Variants in TRPM3 observed in about 807,000 individuals in gnomAD.
TRPM3 encodes transient receptor potential cation channel subfamily M member 3.
A neutral mutation model predicts 181.2 loss-of-function variants in TRPM3; 77 were observed. That is an observed-to-expected ratio of 0.42 (90% confidence interval 0.35 to 0.51). TRPM3 has a LOEUF of 0.51. TRPM3 is among the 20% of genes least tolerant of loss of function. The pLI, the probability that TRPM3 is intolerant of heterozygous loss-of-function variation, is 0.01. For missense variants in TRPM3, 1,759 were observed against 2,196.7 expected (o/e 0.80, Z 3.98); for synonymous variants, 745 against 796.4 (o/e 0.94, Z 1.09).
intron 1 of TRPM3, among the ~76,000 whole-genome samples, chr9:71,396,357 A>AT (rs1194270617): frequency 1.3e-5 from 2 of 152,106 alleles, no homozygotes; most frequent in Non-Finnish European, 2.9e-5. Context: ...GGCAGCAATG[A>AT]TTATCAAGGC....
At chr9:70,648,673 A>T (rs1364522677) in intron 9 of TRPM3, among the ~76,000 whole-genome samples, 2 of 152,154 alleles carry the variant, frequency 1.3e-5, no homozygotes, top group African/African-American at 4.8e-5. Context: ...AGGTTAGAGA[A>T]CCCAGAAATA....
chr9:70,576,673 C>T (rs574217401), intron 22 of TRPM3, among the ~76,000 whole-genome samples: 2 of 152,136 alleles, frequency 1.3e-5, no homozygotes, highest in African/African-American at 4.8e-5. Flanking sequence ...CGCCACCGTG[C>T]CCGGCTAATT....
At chr9:71,384,547 C>T (rs540171287) in intron 1 of TRPM3, among the ~76,000 whole-genome samples, 1 of 152,330 alleles carries the variant, frequency 6.6e-6, no homozygotes, top group African/African-American at 2.4e-5. Flanking sequence ...ACCTATACAT[C>T]TTTCTAGCCC....
chr9:71,283,446 A>G (rs747048842), intron 1 of TRPM3, among the ~76,000 whole-genome samples: 67 of 150,792 alleles, frequency 4.4e-4, no homozygotes, highest in Middle Eastern at 3.4e-3. Context: ...ACAGGCACCC[A>G]CCACCACGCC....
chr9:70,777,193 G>T (rs776261241), intron 7 of TRPM3, among the ~76,000 whole-genome samples: 1 of 152,112 alleles, frequency 6.6e-6, no homozygotes, highest in African/African-American at 2.4e-5. Flanking sequence ...CTATCATAAA[G>T]AATTATGCAA....
rs1415739241 is a variant in TRPM3 at position 71,399,521 on chromosome 9, C to CTTTTTTTTTTTTTTTTTTTTTTTTTT, written c.183+47131_183+47132insAAAAAAAAAAAAAAAAAAAAAAAAAA. Reference sequence around the variant, plus strand: ...ATATTCATTTTACTCCTTATATTTTCTTTTGTTTTTTTTTTTTTTTTTTTT... The same window carrying CTTTTTTTTTTTTTTTTTTTTTTTTTT: ...ATATTCATTTTACTCCTTATATTTTCTTTTTTTTTTTTTTTTTTTTTTTTTTTTTTGTTTTTTTTTTTTTTTTTTTT... On this transcript the variant is annotated intron_variant, in intron 1 of 24. Coordinates refer to the TRPM3 transcript ENST00000357533. Among the ~76,000 whole-genome samples the CTTTTTTTTTTTTTTTTTTTTTTTTTT allele has an allele frequency of 7.4e-5, 8 of 107,520 alleles. 2 individuals are homozygous for CTTTTTTTTTTTTTTTTTTTTTTTTTT. Among genetic ancestry groups the CTTTTTTTTTTTTTTTTTTTTTTTTTT allele is most frequent in the Non-Finnish European group, 6.1e-5 (3 of 49,506 alleles). 70.5% of individuals were successfully genotyped at this position (107,520 alleles called of 152,430 possible).
chr9:71,411,157 G>A lies in TRPM3; in HGVS notation c.183+35496C>T, dbSNP rs546269295. On this transcript the variant is annotated intron_variant, in intron 1 of 24. Transcript: ENST00000357533. ...CCACAGCCAATATCATACTGAATGG[G>A]CAAAAACTGGAAGCATTCCCTTTGA... Among the ~76,000 whole-genome samples, 9 of 152,292 alleles carry A rather than the reference G, an allele frequency of 5.9e-5. No individual in the cohort carries two copies. In the East Asian group the frequency reaches 1.7e-3, roughly 29 times the overall value.
intron 1 of TRPM3, among the ~76,000 whole-genome samples, chr9:71,361,976 G>A (rs559256417): frequency 5.9e-5 from 9 of 152,140 alleles, no homozygotes; most frequent in African/African-American, 1.7e-4. Flanking sequence ...TGTTCTAGTC[G>A]AAGCCCCTTC....
At chr9:71,021,187 A>G (rs971379115) in intron 1 of TRPM3, among the ~76,000 whole-genome samples, 3 of 152,222 alleles carry the variant, frequency 2.0e-5, no homozygotes, top group African/African-American at 4.8e-5. Flanking sequence ...ACAAATATGT[A>G]GTGTTTGAAG....
At chr9:71,095,666 G>A (rs1226197973) in intron 1 of TRPM3, among the ~76,000 whole-genome samples, 1 of 150,980 alleles carries the variant, frequency 6.6e-6, no homozygotes, top group Non-Finnish European at 1.5e-5. Context: ...GGCTGAGGCA[G>A]GAGAATTGCT....
At chr9:70,700,489 C>T (rs960352054) in intron 8 of TRPM3, among the ~76,000 whole-genome samples, 1 of 152,130 alleles carries the variant, frequency 6.6e-6, no homozygotes, top group African/African-American at 2.4e-5. Context: ...CTCTACTGCC[C>T]CCCTGCCCTG....
chr9:71,391,046 G>T (rs1368132880), intron 1 of TRPM3, among the ~76,000 whole-genome samples: 2 of 151,914 alleles, frequency 1.3e-5, no homozygotes, highest in Admixed American at 6.6e-5. Flanking sequence ...TAAAACGTGA[G>T]TAGATAAGAA....
chr9:71,278,707 C>G (rs1332398456), intron 1 of TRPM3, among the ~76,000 whole-genome samples: 1 of 151,966 alleles, frequency 6.6e-6, no homozygotes, highest in East Asian at 1.9e-4. Context: ...AACAGTAACT[C>G]TATGTGGCTC....
intron 14 of TRPM3, among the ~76,000 whole-genome samples, chr9:70,624,317 C>T (rs906975851): frequency 3.3e-5 from 5 of 152,126 alleles, no homozygotes; most frequent in African/African-American, 1.2e-4. Context: ...CAGAGTCTCA[C>T]TATGTTGTTC....
rs1423093889 is a variant in TRPM3 at position 71,032,077 on chromosome 9, T to TAA, written c.177+89100_177+89101insTT. On this transcript the variant is annotated intron_variant, in intron 1 of 25. Coordinates refer to ENST00000677713, the MANE Select transcript of TRPM3 (RefSeq NM_001366145.2). ...TATATATTATATATATTATATTATA[T>TAA]TATATATATATAATTATATAATATT... 2.2e-3 allele frequency among the ~76,000 whole-genome samples: 21 copies of TAA among 9,696 alleles called. 2 individuals carry two copies. The highest frequency in any genetic ancestry group is 0.062 in the East Asian group (2 of 32). The allele number at this position is 9,696 out of a possible 152,430, so 6.4% of individuals were successfully genotyped here. A position where few individuals can be genotyped will look rare whatever the true frequency, so the allele number is the denominator to read the frequency against.
chr9:71,440,569 A>AG (rs2094122821), intron 1 of TRPM3, among the ~76,000 whole-genome samples: 1 of 152,220 alleles, frequency 6.6e-6, no homozygotes, highest in African/African-American at 2.4e-5. Flanking sequence ...CACCACACTT[A>AG]AAGAGGCATT....
chr9:70,787,746 C>T (rs1254283538), intron 6 of TRPM3, among the ~76,000 whole-genome samples: 2 of 100,178 alleles, frequency 2.0e-5, no homozygotes. Flanking sequence ...TATGCAATTT[C>T]AGGGACTTTT....
At chr9:71,421,239 G>A (rs1020882028) in intron 1 of TRPM3, among the ~76,000 whole-genome samples, 3 of 151,722 alleles carry the variant, frequency 2.0e-5, no homozygotes, top group Non-Finnish European at 4.4e-5. Context: ...GGGGGTGTGG[G>A]TTTAAAAACT....
chr9:70,852,752 G>T (rs780942365), intron 3 of TRPM3, among the ~76,000 whole-genome samples: 2 of 151,988 alleles, frequency 1.3e-5, no homozygotes, highest in Non-Finnish European at 1.5e-5. Context: ...ACATAATCTT[G>T]CCAATTCTGA....
Sources: allele counts gnomAD v4.1 joint callset (sites outside exome capture counted in the v4.1 genomes callset), GRCh38; gene constraint gnomAD v4.1.1; transcripts MANE v1.5; gene names NCBI Gene and HGNC (gene_info 2026-07-23, HGNC 2026-07-21).